The following ATG4C variants were observed in gnomAD, a reference collection of about 807,000 sequenced individuals.
ATG4C encodes cysteine protease ATG4C.
Under a neutral mutation model 57.6 loss-of-function variants are expected in ATG4C, and 56 were observed. The observed-to-expected ratio is 0.97, with a 90% CI of 0.78 to 1.21. The LOEUF (loss-of-function observed/expected upper bound fraction) is 1.21, where lower values mean the gene tolerates loss of function less well. ATG4C is among the 50% of genes most tolerant of loss of function. The probability of loss-of-function intolerance (pLI) is 0.00; values close to 1 mark genes in which losing one functional copy is unlikely to be tolerated. For synonymous variants in ATG4C, 157 were observed against 174.1 expected (o/e 0.90, Z 0.78); for missense variants, 595 against 529.8 (o/e 1.12, Z -1.21).
intron 1 of ATG4C, among the ~76,000 whole-genome samples, chr1:62,787,123 CTTTG>C (rs1411714810): frequency 2.0e-5 from 3 of 152,054 alleles, no homozygotes; most frequent in Middle Eastern, 3.2e-3. Flanking sequence ...GGGAAACATG[CTTTG>C]TTTATTAGTA....
chr1:62,789,708 TAG>T (rs1664207182), intron 1 of ATG4C, among the ~76,000 whole-genome samples: 1 of 151,824 alleles, frequency 6.6e-6, no homozygotes, highest in South Asian at 2.1e-4. Context: ...TCCCAGTTAC[TAG>T]GGAGGCTGAG....
chr1:62,818,037 A>G (rs1009265795), intron 4 of ATG4C, among the ~76,000 whole-genome samples: 1 of 152,090 alleles, frequency 6.6e-6, no homozygotes, highest in East Asian at 1.9e-4. Context: ...AAGGATTGGA[A>G]TATTTTTCAG....
intron 10 of ATG4C, among the ~76,000 whole-genome samples, chr1:62,858,188 T>C (rs991053431): frequency 4.6e-5 from 7 of 152,236 alleles, no homozygotes; most frequent in African/African-American, 1.4e-4. Flanking sequence ...ATTTCTTTCT[T>C]TGTCACTTGC....
At chr1:62,844,547 T>C (rs1320367377) in intron 10 of ATG4C, among the ~76,000 whole-genome samples, 1 of 152,094 alleles carries the variant, frequency 6.6e-6, no homozygotes, top group Non-Finnish European at 1.5e-5. Context: ...GCTGAAGAAG[T>C]TGTACTTTAG....
chr1:62,836,941 T>A (rs1347999048), intron 9 of ATG4C, among the ~76,000 whole-genome samples: 1 of 152,108 alleles, frequency 6.6e-6, no homozygotes, highest in African/African-American at 2.4e-5. Context: ...TTAAACAGAT[T>A]GCATTTTTTG....
chr1:62,784,742 A>G (rs1427866981), intron 1 of ATG4C, among the ~76,000 whole-genome samples: 3 of 152,210 alleles, frequency 2.0e-5, no homozygotes, highest in Admixed American at 6.5e-5. Context: ...GCTTCAAGCC[A>G]TAACACACTG....
chr1:62,803,887 T>A (rs1269930367), intron 2 of ATG4C, 25 bp downstream of exon 2: 2 of 1,395,512 alleles, frequency 1.4e-6, no homozygotes, highest in African/African-American at 2.9e-5. Context: ...TTAAAAATTG[T>A]ATAAATCCAA....
chr1:62,817,285 T>C (rs1665310342), intron 4 of ATG4C, among the ~76,000 whole-genome samples: 1 of 152,286 alleles, frequency 6.6e-6, no homozygotes, highest in Admixed American at 6.5e-5. Flanking sequence ...TTAAAAGTAT[T>C]TTTATCTTTA....
In ATG4C at chr1:62,819,274, A is replaced by C. The variant is rs1308954272; in HGVS notation, c.664A>C (p.Lys222Gln). 2 of 1,612,684 alleles carry C rather than the reference A, an allele frequency of 1.2e-6. No homozygotes were observed. Among genetic ancestry groups the C allele is most frequent in the Non-Finnish European group, 1.7e-6 (2 of 1,179,482 alleles). ...CTTACATCAACTAATAGAATATGGA[A>C]AGAAGTCTGGGAAAAAAGCAGGAGA... is the stretch of plus-strand genomic sequence containing the variant. ...FGLHQLIEYG[K>Q]KSGKKAGDWY... Residue 222 changes from lysine (K) to glutamine (Q), a missense_variant, in exon 5 of 11, where the codon AAG (lysine) becomes CAG (glutamine). Physicochemically the swap from Lys to Gln is moderately conservative, Grantham distance 53. Coordinates refer to ENST00000317868, the MANE Select transcript of ATG4C (RefSeq NM_032852.4).
rs760354685 is a variant in ATG4C, at chr1:62,864,046, C to A, written c.1264C>A (p.His422Asn). 5 of 1,592,182 alleles carry A rather than the reference C, an allele frequency of 3.1e-6. No individual in the cohort carries two copies. The highest frequency in any genetic ancestry group is 1.2e-5 in the South Asian group (1 of 86,708). Residue 422 changes from histidine to asparagine, a missense_variant, in exon 11 of 11, where the codon CAT (histidine) becomes AAT (asparagine). Coordinates refer to ENST00000317868, the MANE Select transcript of ATG4C (RefSeq NM_032852.4). ...KYPLFTFVNG[H>N]SRDYDFTSTT... ...TCCCTTATTTACTTTTGTAAATGGT[C>A]ATTCCAGAGACTATGATTTTACATC...
chr1:62,799,344 T>TTTAAC (rs1664577786), intron 1 of ATG4C, among the ~76,000 whole-genome samples: 1 of 152,162 alleles, frequency 6.6e-6, no homozygotes, highest in African/African-American at 2.4e-5. Context: ...TCATCTTTAG[T>TTTAAC]TTAACCTTAC....
At chr1:62,831,722 C>G (rs186497585) in intron 7 of ATG4C, among the ~76,000 whole-genome samples, 209 of 152,206 alleles carry the variant, frequency 1.4e-3, no homozygotes, top group African/African-American at 4.8e-3. Flanking sequence ...TAAAGAAGCT[C>G]TTTTAGGAAC....
chr1:62,852,090 A>T (rs796212500), intron 10 of ATG4C, among the ~76,000 whole-genome samples: 10 of 152,120 alleles, frequency 6.6e-5, no homozygotes, highest in Admixed American at 6.5e-4. Context: ...TCATTCATTC[A>T]TTCGTTCATT....
At chr1:62,815,181 CT>C (rs75132426) in intron 3 of ATG4C, among the ~76,000 whole-genome samples, 34,719 of 149,850 alleles carry the variant, frequency 0.23, 4,414 homozygotes, top group East Asian at 0.53. Context: ...TTTGTTAAAT[CT>C]TTTTTTTTTG....
intron 1 of ATG4C, among the ~76,000 whole-genome samples, chr1:62,799,493 A>G (rs1343643910): frequency 6.6e-6 from 1 of 152,220 alleles, no homozygotes; most frequent in East Asian, 1.9e-4. Flanking sequence ...TAAATAGTGT[A>G]GCTACATAGC....
chr1:62,794,495 T>C (rs1664394403), intron 1 of ATG4C, among the ~76,000 whole-genome samples: 1 of 152,144 alleles, frequency 6.6e-6, no homozygotes, highest in Non-Finnish European at 1.5e-5. Flanking sequence ...AACTATCTTA[T>C]TAGTCTCTCT....
intron 3 of ATG4C, among the ~76,000 whole-genome samples, chr1:62,808,786 A>C (rs1436838581): frequency 6.6e-6 from 1 of 152,210 alleles, no homozygotes; most frequent in Non-Finnish European, 1.5e-5. Context: ...ACGAATAGAA[A>C]GTAAAAGCAG....
chr1:62,799,047 C>G (rs1207298038), intron 1 of ATG4C, among the ~76,000 whole-genome samples: 1 of 152,034 alleles, frequency 6.6e-6, no homozygotes, highest in Non-Finnish European at 1.5e-5. Context: ...CCAACCTCAC[C>G]AGTAGCTGGG....
At chr1:62,851,498 T>A (rs1269351386) in intron 10 of ATG4C, among the ~76,000 whole-genome samples, 10 of 152,188 alleles carry the variant, frequency 6.6e-5, no homozygotes, top group Non-Finnish European at 1.5e-4. Flanking sequence ...TCTTGGAAAC[T>A]GTAACTTTAA....
Sources: gnomAD v4.1 joint callset for allele counts (sites outside exome capture counted in the v4.1 genomes callset) on GRCh38, gnomAD v4.1.1 for gene constraint, MANE v1.5 for transcripts, NCBI Gene and HGNC (gene_info 2026-07-23, HGNC 2026-07-21) for gene names.